Variants in EHMT1 observed in about 807,000 individuals in gnomAD.
EHMT1 encodes the protein histone-lysine N-methyltransferase EHMT1.
EHMT1 carries 15 observed loss-of-function variants against 147.2 expected under a neutral mutation model. The ratio of observed to expected loss-of-function variants is 0.10; its 90% CI spans 0.07 to 0.16. The LOEUF (loss-of-function observed/expected upper bound fraction) is 0.16, where lower values mean the gene tolerates loss of function less well. Ranked by LOEUF, EHMT1 falls within the 10% of genes least tolerant of loss-of-function variation. The probability of loss-of-function intolerance (pLI) is 1.00; values close to 1 mark genes in which losing one functional copy is unlikely to be tolerated. For synonymous variants in EHMT1, 795 were observed against 709.6 expected (o/e 1.12, Z -1.91); for missense variants, 1,587 against 1,772.4 (o/e 0.90, Z 1.88).
rs1226729558 is a variant in EHMT1, at chr9:137,675,569, T to TA, written c.22-35398_22-35397insA. Among the ~76,000 whole-genome samples, 3 of 151,314 alleles carry TA rather than the reference T, an allele frequency of 2.0e-5. No individual in the cohort carries two copies. The East Asian group carries it at 5.8e-4, about 29-fold the overall frequency. On this transcript the variant is annotated intron_variant, in intron 1 of 26. Transcript: ENST00000460843. ...AGCTCCACCTCCCAGGTTCCCGCCA[T>TA]TCTCCTGCCTCAGCCTCCCGAGTAG...
chr9:137,664,716 A>G (rs1939442859), intron 1 of EHMT1, among the ~76,000 whole-genome samples: 1 of 151,576 alleles, frequency 6.6e-6, no homozygotes, highest in Non-Finnish European at 1.5e-5. Context: ...CTTTGTCCAT[A>G]TGGGGGAGGG....
intron 1 of EHMT1, among the ~76,000 whole-genome samples, chr9:137,669,781 G>A (rs2134245276): frequency 6.6e-6 from 1 of 151,972 alleles, no homozygotes. Flanking sequence ...TTGAACTCTT[G>A]GCCTTAAGTG....
chr9:137,755,333 CTG>C (rs1949301345), intron 8 of EHMT1, among the ~76,000 whole-genome samples: 1 of 152,120 alleles, frequency 6.6e-6, no homozygotes, highest in Admixed American at 6.6e-5. Flanking sequence ...ATAGATGGAA[CTG>C]TGTGGTTGTT....
chr9:137,683,415 C>A (rs916742511), intron 1 of EHMT1, among the ~76,000 whole-genome samples: 1 of 152,296 alleles, frequency 6.6e-6, no homozygotes, highest in East Asian at 1.9e-4. Flanking sequence ...TCATGTATAA[C>A]CTTCCAAACA....
In EHMT1 at chr9:137,728,476, A is replaced by C. The variant is rs370539232; in HGVS notation, c.770A>C (p.His257Pro). Residue 257 changes from histidine (H) to proline (P), a missense_variant, in exon 4 of 27, where the codon CAT (histidine) becomes CCT (proline). Coordinates refer to ENST00000460843, the MANE Select transcript of EHMT1 (RefSeq NM_024757.5). ...QQLLPPFPSLHQSLPQNQCYM... is the reference protein window; with the variant it reads ...QQLLPPFPSLPQSLPQNQCYM... ...CTTTTACCCCCCTTCCCATCCCTTC[A>C]TCAGTCGCTACCTCAGAACCAGTGC... 3.2e-5 allele frequency: 51 copies of C among 1,614,010 alleles called. No individual in the cohort carries two copies. Among genetic ancestry groups the C allele is most frequent in the Non-Finnish European group, 4.0e-5 (47 of 1,180,024 alleles).
intron 1 of EHMT1, among the ~76,000 whole-genome samples, chr9:137,688,830 T>C (rs1942681351): frequency 6.6e-6 from 1 of 152,150 alleles, no homozygotes; most frequent in East Asian, 1.9e-4. Context: ...GTGTGAAGGT[T>C]TGTGTCATCC....
chr9:137,775,109 T>C lies in EHMT1; in HGVS notation c.1648T>C (p.Leu550=), dbSNP rs1950865460. Residue 550 remains leucine (L), a splice_region_variant and synonymous_variant, in exon 11 of 27, where the codon TTG becomes CTG. Transcript: ENST00000460843. The surrounding 1 kb of genome is among the most constrained non-coding windows in gnomAD (Gnocchi z 6.1). ...GACCACCAGTCTTGTCTGATTGCAG[T>C]TGGGCCGGTGCACAAACAGCGTGGT... ...CMATESVDHE[L]GRCTNSVVKY... The C allele has an allele frequency of 6.2e-7, 1 of 1,614,106 alleles. No homozygotes were observed.
At position 137,675,802 on chromosome 9, in the gene EHMT1, T is replaced by TTTTTTTTTTTTTG. The variant is rs35541714; in HGVS notation, c.22-35165_22-35164insTTTTTTTTTTTTG. On this transcript the variant is annotated intron_variant, in intron 1 of 26. Coordinates refer to ENST00000460843, the MANE Select transcript of EHMT1 (RefSeq NM_024757.5). ...TAATTTTTTTTTTTTTTTTTTTTTT[T>TTTTTTTTTTTTTG]AGACGGAGTCTCGCTCTGTCGCCCA... Among the ~76,000 whole-genome samples the TTTTTTTTTTTTTG allele has an allele frequency of 4.0e-4, 42 of 104,730 alleles. 3 individuals carry two copies. The highest frequency in any genetic ancestry group is 1.6e-3 in the African/African-American group (38 of 23,808). The allele number at this position is 104,730 out of a possible 152,430, so 68.7% of individuals were successfully genotyped here. A position where few individuals can be genotyped will look rare whatever the true frequency, so the allele number is the denominator to read the frequency against.
At chr9:137,709,245 T>C (rs772024512) in intron 1 of EHMT1, among the ~76,000 whole-genome samples, 2 of 151,838 alleles carry the variant, frequency 1.3e-5, no homozygotes, top group Non-Finnish European at 1.5e-5. Context: ...GGGGGGTAGG[T>C]GTGAAGGGTG....
chr9:137,634,703 C>T (rs1589055500), intron 1 of EHMT1, among the ~76,000 whole-genome samples: 6 of 137,324 alleles, frequency 4.4e-5, no homozygotes, highest in South Asian at 4.6e-4. Flanking sequence ...TTTCTTTCTT[C>T]TTTCTTTTTT....
chr9:137,627,412 A>G (rs1843335142), intron 1 of EHMT1, among the ~76,000 whole-genome samples: 1 of 150,492 alleles, frequency 6.6e-6, no homozygotes, highest in Admixed American at 6.7e-5. Context: ...ACAGGTGCGC[A>G]CCACCACTCC....
Position 137,782,660 on chromosome 9 carries a change from G to C in EHMT1, c.2382+263G>C, listed in dbSNP as rs1951652203. On this transcript the variant is annotated intron_variant, in intron 15 of 26. Coordinates refer to ENST00000460843, the MANE Select transcript of EHMT1 (RefSeq NM_024757.5). The surrounding 1 kb of genome is among the most constrained non-coding windows in gnomAD (Gnocchi z 5.7). ...ATTTGCTTTCTTTGGTTTTGGTTTT[G>C]GTTCTTCACACTCATGACGTCCCTC... Among the ~76,000 whole-genome samples the C allele has an allele frequency of 4.6e-5, 7 of 152,240 alleles. No individual in the cohort carries two copies. In the South Asian group the frequency reaches 1.5e-3, roughly 32 times the overall value.
intron 10 of EHMT1, among the ~76,000 whole-genome samples, chr9:137,764,911 A>C (rs887889857): frequency 6.6e-6 from 1 of 152,154 alleles, no homozygotes; most frequent in Non-Finnish European, 1.5e-5. Context: ...GTGTTGTTTA[A>C]GTCATTTGCC....
rs545387256 is a variant in EHMT1, at chr9:137,833,177, A to G, written c.3541-1172A>G. On this transcript the variant is annotated intron_variant, in intron 25 of 26. Coordinates refer to ENST00000460843, the MANE Select transcript of EHMT1 (RefSeq NM_024757.5). ...CTGAGCGTCCCTGGCTCTCTGGTTA[A>G]TGTTCATGCTGGGGCAGGTTGTGGA... Among the ~76,000 whole-genome samples, 3 of 152,218 alleles carry G rather than the reference A, an allele frequency of 2.0e-5. No homozygotes were observed. The East Asian group carries it at 5.8e-4, about 30-fold the overall frequency.
intron 1 of EHMT1, chr9:137,641,324 G>A: frequency 2.1e-6 from 1 of 471,328 alleles, no homozygotes; most frequent in Middle Eastern, 7.9e-4. Flanking sequence ...TCATTCAGAT[G>A]AAATTCTTTG....
chr9:137,656,546 A>G (rs1368500121), intron 1 of EHMT1, among the ~76,000 whole-genome samples: 1 of 152,224 alleles, frequency 6.6e-6, no homozygotes, highest in African/African-American at 2.4e-5. Context: ...CTAGAGGCAC[A>G]GTGCCCATGC....
At chr9:137,706,938 C>G (rs1423769083) in intron 1 of EHMT1, among the ~76,000 whole-genome samples, 1 of 152,072 alleles carries the variant, frequency 6.6e-6, no homozygotes, top group Admixed American at 6.5e-5. Context: ...GATTCTCCTG[C>G]CTCAGCCTCC....
At chr9:137,714,708 A>C (rs542774953) in intron 2 of EHMT1, among the ~76,000 whole-genome samples, 2 of 151,932 alleles carry the variant, frequency 1.3e-5, no homozygotes, top group South Asian at 4.2e-4. Context: ...GTGCACCTCC[A>C]TGCCCGGCTA....
Position 137,649,478 on chromosome 9 carries a change from AC to A in EHMT1, c.21+30430del, listed in dbSNP as rs1409790907. ...CCGACTCAAACAAACAAACAAACAA[AC>A]AAACAAACAAAAATGTCCTCCCAAA... is the stretch of plus-strand genomic sequence containing the variant. On this transcript the variant is annotated intron_variant, in intron 1 of 26. Coordinates refer to ENST00000460843, the MANE Select transcript of EHMT1 (RefSeq NM_024757.5). Among the ~76,000 whole-genome samples the A allele has an allele frequency of 3.1e-3, 466 of 151,442 alleles. 6 individuals carry two copies. Among genetic ancestry groups the A allele is most frequent in the Admixed American group, 0.028 (426 of 15,186 alleles).
Sources: allele counts gnomAD v4.1 joint callset (sites outside exome capture counted in the v4.1 genomes callset), GRCh38; gene constraint gnomAD v4.1.1; non-coding constraint Gnocchi (gnomAD v3.1); transcripts MANE v1.5; gene names NCBI Gene and HGNC (gene_info 2026-07-23, HGNC 2026-07-21).